Variants in SUGCT observed in about 807,000 individuals in gnomAD.
SUGCT encodes the protein succinyl-CoA:glutarate-CoA transferase, also known as succinyl-CoA:glutarate CoA-transferase.
SUGCT carries 41 observed loss-of-function variants against 55.0 expected under a neutral mutation model. The ratio of observed to expected loss-of-function variants is 0.74; its 90% CI spans 0.58 to 0.97. SUGCT has a LOEUF of 0.97. Among genes scored for constraint, SUGCT ranks in the 50% least tolerant of loss-of-function variants. SUGCT has a pLI of 0.00. For synonymous variants in SUGCT, 187 were observed against 200.4 expected (o/e 0.93, Z 0.56); for missense variants, 568 against 547.8 (o/e 1.04, Z -0.37).
intron 9 of SUGCT, among the ~76,000 whole-genome samples, chr7:40,363,525 C>T (rs575026352): frequency 7.9e-5 from 12 of 152,188 alleles, no homozygotes; most frequent in Middle Eastern, 3.4e-3. Flanking sequence ...TTTGTTCTCG[C>T]TGGTTTCAAA....
At chr7:40,770,325 C>T (rs553582065) in intron 13 of SUGCT, among the ~76,000 whole-genome samples, 25 of 152,252 alleles carry the variant, frequency 1.6e-4, no homozygotes, top group South Asian at 1.2e-3. Flanking sequence ...AGTCTGGAGG[C>T]GGGCAGTTCA....
At chr7:40,277,197 A>G (rs1052896082) in intron 8 of SUGCT, among the ~76,000 whole-genome samples, 7 of 152,030 alleles carry the variant, frequency 4.6e-5, no homozygotes, top group African/African-American at 1.4e-4. Flanking sequence ...CTCATTAACT[A>G]TCTTTCTTTT....
intron 13 of SUGCT, among the ~76,000 whole-genome samples, chr7:40,780,905 T>C (rs1041625037): frequency 2.6e-5 from 4 of 152,098 alleles, no homozygotes; most frequent in African/African-American, 9.7e-5. Flanking sequence ...AGAATGGCAT[T>C]ATAAATCTGC....
chr7:40,406,022 A>G (rs1390000088), intron 9 of SUGCT, among the ~76,000 whole-genome samples: 7 of 152,090 alleles, frequency 4.6e-5, no homozygotes, highest in Non-Finnish European at 7.4e-5. Flanking sequence ...CAGGAGTTTT[A>G]TCATTCCTTA....
intron 3 of SUGCT, among the ~76,000 whole-genome samples, chr7:40,185,938 A>G (rs1314811891): frequency 6.6e-6 from 1 of 152,112 alleles, no homozygotes; most frequent in Non-Finnish European, 1.5e-5. Context: ...TAGTTATTCA[A>G]CACAGATATG....
At chr7:40,917,869 T>C in the SUGCT span, among the ~76,000 whole-genome samples, 21 of 152,266 alleles carry the variant, frequency 1.4e-4, no homozygotes, top group Middle Eastern at 3.4e-3. Context: ...CATGACCTCA[T>C]CTAATCCTAA....
chr7:40,269,312 T>A (rs527557080), intron 7 of SUGCT, among the ~76,000 whole-genome samples: 5 of 151,930 alleles, frequency 3.3e-5, no homozygotes, highest in Admixed American at 6.6e-5. Context: ...TTTAATTTTT[T>A]ATTTTATTTA....
chr7:40,487,078 C>CTTTT lies in SUGCT; in HGVS notation c.987-9186_987-9183dup, dbSNP rs745766266. On this transcript the variant is annotated intron_variant, in intron 11 of 13. Coordinates refer to ENST00000335693, the MANE Select transcript of SUGCT (RefSeq NM_001193313.2). ...AAAAGATAGTTCATATGATTTCAATCTTTTTTTTTTTTTTTTTTTTTTTGA... is the reference window on the plus strand; with the variant it reads ...AAAAGATAGTTCATATGATTTCAATCTTTTTTTTTTTTTTTTTTTTTTTTTTTGA... Among the ~76,000 whole-genome samples, 98 of 93,888 alleles carry CTTTT rather than the reference C, an allele frequency of 1.0e-3. 2 individuals are homozygous for CTTTT. The highest frequency in any genetic ancestry group is 1.3e-3 in the Non-Finnish European group (67 of 49,918). 61.6% of individuals were successfully genotyped at this position (93,888 alleles called of 152,430 possible).
intron 13 of SUGCT, among the ~76,000 whole-genome samples, chr7:40,763,066 C>G (rs571141916): frequency 1.9e-4 from 29 of 152,180 alleles, no homozygotes; most frequent in African/African-American, 6.5e-4. Flanking sequence ...ATCCTCCCAC[C>G]TCTGCCTCCC....
chr7:40,952,919 C>T, the SUGCT span, among the ~76,000 whole-genome samples: 1 of 152,132 alleles, frequency 6.6e-6, no homozygotes, highest in Non-Finnish European at 1.5e-5. Flanking sequence ...GTGAATCTGA[C>T]AATTAGGTGT....
At chr7:40,841,068 T>C (rs1793252670) in intron 13 of SUGCT, among the ~76,000 whole-genome samples, 1 of 152,094 alleles carries the variant, frequency 6.6e-6, no homozygotes, top group Non-Finnish European at 1.5e-5. Context: ...TAACTCATCA[T>C]TGTTATATTA....
In SUGCT at chr7:40,495,260, AT is replaced by A. The variant is rs1192342658; in HGVS notation, c.987-1021del. ...TTTTTTTTAATGGTGAAAGAAGTAA[AT>A]TTAATACATTTTCCTCTGGAGTCTG... On this transcript the variant is annotated intron_variant, in intron 11 of 13. Transcript: ENST00000335693. Among the ~76,000 whole-genome samples the A allele has an allele frequency of 2.0e-5, 3 of 150,896 alleles. No individual in the cohort carries two copies. In the East Asian group the frequency reaches 5.8e-4, roughly 29 times the overall value.
intron 1 of SUGCT, among the ~76,000 whole-genome samples, chr7:40,172,659 A>G (rs1390210217): frequency 1.3e-5 from 2 of 152,068 alleles, no homozygotes; most frequent in African/African-American, 4.8e-5. Context: ...TTGAGTAAAG[A>G]CTTCTGGCTG....
intron 9 of SUGCT, among the ~76,000 whole-genome samples, chr7:40,357,669 C>T (rs1470138103): frequency 2.0e-5 from 3 of 151,866 alleles, no homozygotes; most frequent in Non-Finnish European, 2.9e-5. Flanking sequence ...ATTTCAATTG[C>T]ATGTAATTTT....
intron 9 of SUGCT, among the ~76,000 whole-genome samples, chr7:40,377,253 TC>T (rs202051334): frequency 0.53 from 13,870 of 26,010 alleles, 6,491 homozygotes; most frequent in Non-Finnish European, 0.75. Context: ...CTTCCTTCTT[TC>T]TTTTTTGAGA....
chr7:40,663,138 A>G (rs367837836), intron 12 of SUGCT, among the ~76,000 whole-genome samples: 1 of 152,244 alleles, frequency 6.6e-6, no homozygotes, highest in Non-Finnish European at 1.5e-5. Context: ...AAACTATTTT[A>G]TCTTCATACT....
chr7:40,335,237 C>A (rs1796614603), intron 9 of SUGCT, among the ~76,000 whole-genome samples: 1 of 152,148 alleles, frequency 6.6e-6, no homozygotes, highest in Admixed American at 6.5e-5. Flanking sequence ...GCAATGCAGG[C>A]CCTTTTTTGG....
intron 9 of SUGCT, among the ~76,000 whole-genome samples, chr7:40,346,992 C>T (rs1797352267): frequency 6.6e-6 from 1 of 152,102 alleles, no homozygotes; most frequent in South Asian, 2.1e-4. Flanking sequence ...TTACAGCAGC[C>T]CAAGTACACT....
At chr7:40,553,818 C>T (rs1465637320) in intron 12 of SUGCT, among the ~76,000 whole-genome samples, 1 of 152,150 alleles carries the variant, frequency 6.6e-6, no homozygotes, top group African/African-American at 2.4e-5. Context: ...GCCTCCAATG[C>T]GAGTATCCCC....
Sources: allele counts gnomAD v4.1 joint callset (sites outside exome capture counted in the v4.1 genomes callset), GRCh38; gene constraint gnomAD v4.1.1; transcripts MANE v1.5; gene names NCBI Gene and HGNC (gene_info 2026-07-23, HGNC 2026-07-21).